The following CCDC7 variants were observed in gnomAD, a reference collection of about 807,000 sequenced individuals.
CCDC7 encodes coiled-coil domain-containing protein 7.
In CCDC7, 183 loss-of-function variants were observed where a neutral mutation model predicts 196.9. That is an observed-to-expected ratio of 0.93 (90% CI 0.82 to 1.05). The LOEUF (loss-of-function observed/expected upper bound fraction) is 1.05. Among genes scored for constraint, CCDC7 ranks in the 50% least tolerant of loss-of-function variants. The probability of loss-of-function intolerance (pLI) is 0.00; values close to 1 mark genes in which losing one functional copy is unlikely to be tolerated. For synonymous variants in CCDC7, 525 were observed against 484.6 expected, an observed-to-expected ratio of 1.08 and a Z score of -1.10; for missense variants, 1,540 against 1,482.2, an observed-to-expected ratio of 1.04 and a Z score of -0.64.
At chr10:32,874,716 TAAAAC>T (rs1368004028) in intron 41 of CCDC7, among the ~76,000 whole-genome samples, 1 of 147,312 alleles carries the variant, frequency 6.8e-6, no homozygotes, top group Admixed American at 6.9e-5. Flanking sequence ...CATATATAAA[TAAAAC>T]TTTTATATAT....
At chr10:32,770,336 A>C (rs916018728) in intron 28 of CCDC7, among the ~76,000 whole-genome samples, 6 of 152,278 alleles carry the variant, frequency 3.9e-5, no homozygotes, top group African/African-American at 9.6e-5. Flanking sequence ...TTGTTTCAGA[A>C]AATTTTTAAA....
At chr10:32,522,191 A>T (rs1349366005) in intron 11 of CCDC7, among the ~76,000 whole-genome samples, 5 of 152,338 alleles carry the variant, frequency 3.3e-5, no homozygotes, top group African/African-American at 1.2e-4. Flanking sequence ...CTGGTCTTGT[A>T]GAATGAGTTT....
At chr10:32,678,122 C>T (rs181443403) in intron 21 of CCDC7, among the ~76,000 whole-genome samples, 23 of 151,896 alleles carry the variant, frequency 1.5e-4, no homozygotes, top group African/African-American at 5.6e-4. Context: ...TGTTGTTTCC[C>T]TAATTTTATT....
At chr10:32,617,393 G>A (rs941499403) in intron 18 of CCDC7, among the ~76,000 whole-genome samples, 4 of 151,540 alleles carry the variant, frequency 2.6e-5, no homozygotes, top group Non-Finnish European at 4.4e-5. Flanking sequence ...TTGTTAATTT[G>A]TGGTCTTTCT....
intron 11 of CCDC7, among the ~76,000 whole-genome samples, chr10:32,523,065 T>C (rs1006148660): frequency 1.3e-5 from 2 of 152,194 alleles, no homozygotes; most frequent in African/African-American, 4.8e-5. Flanking sequence ...TTTTAAGACT[T>C]GTTTTGTGAC....
At chr10:32,814,309 C>T in intron 30 of CCDC7, 61 bp from the exon 32 acceptor site, 1 of 1,161,050 alleles carries the variant, frequency 8.6e-7, no homozygotes, top group Non-Finnish European at 1.3e-6. Flanking sequence ...TGCACTCACA[C>T]TGTCACATTT....
intron 31 of CCDC7, among the ~76,000 whole-genome samples, chr10:32,816,998 T>C (rs1424756748): frequency 1.3e-5 from 2 of 152,184 alleles, no homozygotes; most frequent in African/African-American, 2.4e-5. Flanking sequence ...ATGACTTTGA[T>C]GAGTTGAGAG....
chr10:32,780,573 T>C (rs532635863), intron 29 of CCDC7, among the ~76,000 whole-genome samples: 12 of 152,160 alleles, frequency 7.9e-5, no homozygotes, highest in Non-Finnish European at 1.6e-4. Flanking sequence ...ATTAAACTGT[T>C]ATAACTTTAA....
chr10:32,814,912 C>T (rs1372926559), intron 31 of CCDC7, among the ~76,000 whole-genome samples: 2 of 152,124 alleles, frequency 1.3e-5, no homozygotes, highest in African/African-American at 4.8e-5. Context: ...TCAAAGAGTG[C>T]CCTGCTAAAA....
chr10:32,645,114 T>A (rs532911055), intron 20 of CCDC7, among the ~76,000 whole-genome samples: 1 of 152,252 alleles, frequency 6.6e-6, no homozygotes, highest in African/African-American at 2.4e-5. Flanking sequence ...ACATCACTAA[T>A]CATCAGAGAA....
chr10:32,812,952 T>C (rs1311871240), intron 30 of CCDC7, among the ~76,000 whole-genome samples: 2 of 152,214 alleles, frequency 1.3e-5, no homozygotes, highest in African/African-American at 4.8e-5. Context: ...TGAAAACTTG[T>C]TCTGCTCAAT....
At chr10:32,709,887 GTCATTGACTGC>G (rs1565239744) in intron 24 of CCDC7, among the ~76,000 whole-genome samples, 2 of 113,620 alleles carry the variant, frequency 1.8e-5, no homozygotes, top group Non-Finnish European at 4.2e-5. Flanking sequence ...TCTCACTCTC[GTCATTGACTGC>G]TCTCACTCTC....
chr10:32,544,306 C>T lies in CCDC7; in HGVS notation c.1134+5C>T, dbSNP rs372452173. ...GAAGATTTGGATCAAGTACAGGTAA[C>T]ACACCCACTCTCTCTATGCATCAAT... On this transcript the variant is annotated splice_donor_5th_base_variant and intron_variant, in intron 13 of 41. Transcript: ENST00000639629. The T allele has an allele frequency of 2.5e-6, 4 of 1,607,392 alleles. No individual in the cohort carries two copies. The highest frequency in any genetic ancestry group is 3.4e-6 in the Non-Finnish European group (4 of 1,176,716).
chr10:32,563,137 A>G (rs200151345), intron 13 of CCDC7, among the ~76,000 whole-genome samples: 20,314 of 152,036 alleles, frequency 0.13, 1,609 homozygotes, highest in African/African-American at 0.22. Context: ...CCACTGCTCA[A>G]TGAAATAAAA....
At chr10:32,642,911 C>A (rs2067099087) in intron 20 of CCDC7, among the ~76,000 whole-genome samples, 1 of 152,136 alleles carries the variant, frequency 6.6e-6, no homozygotes, top group South Asian at 2.1e-4. Context: ...GAAAAAGACT[C>A]AGCAGTAAAT....
chr10:32,631,679 A>T (rs1009066379), intron 18 of CCDC7, among the ~76,000 whole-genome samples: 1 of 152,098 alleles, frequency 6.6e-6, no homozygotes, highest in African/African-American at 2.4e-5. Context: ...CTACAAAAAA[A>T]AAAAAACACT....
rs188295077 is a variant in CCDC7 at position 32,487,005 on chromosome 10, G to T, written c.797-4917G>T. Among the ~76,000 whole-genome samples, 27 of 152,166 alleles carry T rather than the reference G, an allele frequency of 1.8e-4. No individual in the cohort carries two copies. In the East Asian group the frequency reaches 5.1e-3, roughly 28 times the overall value. ...TGTTCTCGAGGAATGTCTTTGTGGT[G>T]TTCTCTGTGTTTCCTGAATTTGAAT... is the stretch of plus-strand genomic sequence containing the variant. On this transcript the variant is annotated intron_variant, in intron 8 of 41. Transcript: ENST00000639629.
chr10:32,828,501 G>GAAGA (rs1418769536), intron 32 of CCDC7, among the ~76,000 whole-genome samples: 49 of 125,604 alleles, frequency 3.9e-4, no homozygotes, highest in African/African-American at 1.5e-3. Context: ...AGAAGAAGAA[G>GAAGA]AAGAAGAAGA....
chr10:32,688,200 T>C (rs1281486322), intron 22 of CCDC7, among the ~76,000 whole-genome samples: 3 of 152,126 alleles, frequency 2.0e-5, no homozygotes, highest in African/African-American at 7.2e-5. Context: ...TTACCTCCTT[T>C]ATGGTAGAAG....
Sources: allele counts gnomAD v4.1 joint callset (sites outside exome capture counted in the v4.1 genomes callset), GRCh38; gene constraint gnomAD v4.1.1; transcripts MANE v1.5; gene names NCBI Gene and HGNC (gene_info 2026-07-23, HGNC 2026-07-21).